The following SGCZ variants were observed in gnomAD, a reference collection of about 807,000 sequenced individuals.
SGCZ encodes zeta-sarcoglycan.
Under a neutral mutation model 41.3 loss-of-function variants are expected in SGCZ, and 40 were observed. The ratio of observed to expected loss-of-function variants is 0.97; its 90% CI spans 0.75 to 1.26. The LOEUF (loss-of-function observed/expected upper bound fraction) is 1.26, where lower values mean the gene tolerates loss of function less well. Among genes scored for constraint, SGCZ ranks in the 50% most tolerant of loss-of-function variants. The pLI is 0.00. For missense variants in SGCZ, 552 were observed against 369.8 expected, an observed-to-expected ratio of 1.49 and a Z score of -4.04; for synonymous variants, 206 against 137.5, an observed-to-expected ratio of 1.50 and a Z score of -3.49.
intron 1 of SGCZ, among the ~76,000 whole-genome samples, chr8:14,803,930 C>T (rs560523525): frequency 0.02 from 1,662 of 84,878 alleles, 37 homozygotes; most frequent in Middle Eastern, 0.081. Context: ...CCCTGACCCC[C>T]GAGCCGCCTA....
intron 2 of SGCZ, among the ~76,000 whole-genome samples, chr8:14,552,164 T>C (rs1476039125): frequency 6.6e-6 from 1 of 152,064 alleles, no homozygotes; most frequent in Admixed American, 6.6e-5. Flanking sequence ...CATAATGCAC[T>C]AGTAAAAACA....
rs181951480 is a variant in SGCZ at position 15,145,163 on chromosome 8, G to T, written c.39+92422C>A. Among the ~76,000 whole-genome samples the T allele has an allele frequency of 2.0e-5, 3 of 152,126 alleles. 1 individual carries two copies. The South Asian group carries it at 6.2e-4, about 32-fold the overall frequency. Reference sequence around the variant, plus strand: ...CAGTCCTTCTGGCTTCTCTGTGAAGGTTATAACTAATTCTTTACGATTCTG... The same window carrying T: ...CAGTCCTTCTGGCTTCTCTGTGAAGTTTATAACTAATTCTTTACGATTCTG... On this transcript the variant is annotated intron_variant, in intron 1 of 7. Coordinates refer to ENST00000382080, the MANE Select transcript of SGCZ (RefSeq NM_139167.4).
intron 2 of SGCZ, among the ~76,000 whole-genome samples, chr8:14,327,973 G>T (rs900537093): frequency 6.6e-6 from 1 of 152,126 alleles, no homozygotes; most frequent in Non-Finnish European, 1.5e-5. Flanking sequence ...TAGAGACAGG[G>T]TTTCACCATG....
chr8:14,786,817 T>G (rs1800780551), intron 1 of SGCZ, among the ~76,000 whole-genome samples: 1 of 138,176 alleles, frequency 7.2e-6, no homozygotes, highest in Non-Finnish European at 1.5e-5. Context: ...TTACAAGGAG[T>G]GGAAGAGTTG....
chr8:15,160,516 T>C (rs1440301857), intron 1 of SGCZ, among the ~76,000 whole-genome samples: 1 of 152,128 alleles, frequency 6.6e-6, no homozygotes, highest in Admixed American at 6.6e-5. Context: ...AACACAACCC[T>C]ATTCCCCAGG....
intron 1 of SGCZ, among the ~76,000 whole-genome samples, chr8:14,850,947 C>G (rs1280453716): frequency 6.6e-6 from 1 of 152,162 alleles, no homozygotes; most frequent in Non-Finnish European, 1.5e-5. Context: ...TTCAATTAAA[C>G]CTCTTTCCTT....
intron 5 of SGCZ, among the ~76,000 whole-genome samples, chr8:14,121,167 A>C (rs1005362464): frequency 6.6e-6 from 1 of 152,140 alleles, no homozygotes; most frequent in Admixed American, 6.5e-5. Flanking sequence ...GTCAATGTTG[A>C]ATATTGAACA....
chr8:14,853,466 G>C (rs773892922), intron 1 of SGCZ: 1 of 532,850 alleles, frequency 1.9e-6, no homozygotes, highest in Non-Finnish European at 3.8e-6. Flanking sequence ...TGCTGTGGCT[G>C]ATTAATATCC....
chr8:14,870,825 A>G (rs1437633589), intron 1 of SGCZ, among the ~76,000 whole-genome samples: 1 of 152,172 alleles, frequency 6.6e-6, no homozygotes, highest in East Asian at 1.9e-4. Context: ...ATACGAAACA[A>G]GGCTCATCAT....
At chr8:15,052,142 G>A (rs530012866) in intron 1 of SGCZ, among the ~76,000 whole-genome samples, 2 of 152,264 alleles carry the variant, frequency 1.3e-5, no homozygotes, top group South Asian at 4.1e-4. Context: ...TCATCAAGAG[G>A]AGGAGAGAAA....
chr8:15,062,770 T>G (rs1391184661), intron 1 of SGCZ, among the ~76,000 whole-genome samples: 1 of 152,194 alleles, frequency 6.6e-6, no homozygotes, highest in Non-Finnish European at 1.5e-5. Flanking sequence ...CAAGATGGAT[T>G]TGTTAAACCC....
rs866927262 is a variant in SGCZ, at chr8:14,456,151, G to C, written c.234+98581C>G. 2.0e-5 allele frequency among the ~76,000 whole-genome samples: 3 copies of C among 152,148 alleles called. 1 individual carries two copies. Among genetic ancestry groups the C allele is most frequent in the South Asian group, 4.1e-4 (2 of 4,828 alleles). ...AGGACACGCACGGTGGCTCACACCT[G>C]TAATCCCAGGACTTTGGGAAGCTGA... On this transcript the variant is annotated intron_variant, in intron 2 of 7. Coordinates refer to ENST00000382080, the MANE Select transcript of SGCZ (RefSeq NM_139167.4).
chr8:14,313,572 G>C (rs1320734953), intron 3 of SGCZ, among the ~76,000 whole-genome samples: 2 of 152,122 alleles, frequency 1.3e-5, no homozygotes, highest in East Asian at 3.9e-4. Context: ...CTGACCTCAA[G>C]TGGTCCACCT....
At chr8:14,627,470 T>G in intron 1 of SGCZ, among the ~76,000 whole-genome samples, 1 of 152,232 alleles carries the variant, frequency 6.6e-6, no homozygotes, top group Non-Finnish European at 1.5e-5. Context: ...TTCAGTGGAT[T>G]TTCCACTGTC....
intron 2 of SGCZ, among the ~76,000 whole-genome samples, chr8:14,328,184 A>G (rs1418435341): frequency 2.6e-5 from 4 of 152,220 alleles, no homozygotes; most frequent in African/African-American, 9.6e-5. Context: ...ACACTCAGGC[A>G]TTAAGTCCAG....
intron 1 of SGCZ, among the ~76,000 whole-genome samples, chr8:14,996,554 A>ACCATGC (rs1802227056): frequency 6.6e-6 from 1 of 152,206 alleles, no homozygotes; most frequent in African/African-American, 2.4e-5. Flanking sequence ...GGTGCATGCC[A>ACCATGC]CCATGCCAGG....
chr8:14,661,398 T>G (rs1807746893), intron 1 of SGCZ, among the ~76,000 whole-genome samples: 1 of 152,194 alleles, frequency 6.6e-6, no homozygotes. Context: ...GTTGTGTATT[T>G]TTATTATGAT....
chr8:14,306,262 T>C lies in SGCZ; in HGVS notation c.336+17841A>G, dbSNP rs561273524. On this transcript the variant is annotated intron_variant, in intron 3 of 7. Transcript: ENST00000382080. Reference sequence around the variant, plus strand: ...CAAAATATTAAATTCAATAACATTATAGATGGACATAAAGTACTTAATCAA... The same window carrying C: ...CAAAATATTAAATTCAATAACATTACAGATGGACATAAAGTACTTAATCAA... 4.3e-4 allele frequency among the ~76,000 whole-genome samples: 66 copies of C among 152,320 alleles called. 2 individuals carry two copies. Among genetic ancestry groups the C allele is most frequent in the African/African-American group, 1.3e-3 (56 of 41,576 alleles).
At chr8:14,649,827 C>G (rs1338590689) in intron 1 of SGCZ, among the ~76,000 whole-genome samples, 1 of 152,014 alleles carries the variant, frequency 6.6e-6, no homozygotes, top group Non-Finnish European at 1.5e-5. Flanking sequence ...CAAGGCAGGG[C>G]AAAGGCACAC....
Sources: gnomAD v4.1 joint callset for allele counts (sites outside exome capture counted in the v4.1 genomes callset) on GRCh38, gnomAD v4.1.1 for gene constraint, MANE v1.5 for transcripts, NCBI Gene and HGNC (gene_info 2026-07-23, HGNC 2026-07-21) for gene names.